The following PRKG1 variants were observed in gnomAD, a reference collection of about 807,000 sequenced individuals.
The protein encoded by PRKG1 is protein kinase cGMP-dependent 1, also known as cGMP-dependent protein kinase 1.
In PRKG1, 35 loss-of-function variants were observed where a neutral mutation model predicts 88.1. The observed-to-expected ratio is 0.40, with a 90% CI of 0.30 to 0.53. The LOEUF (loss-of-function observed/expected upper bound fraction) is 0.53, where lower values mean the gene tolerates loss of function less well. PRKG1 is among the 20% of genes least tolerant of loss of function. PRKG1 has a pLI of 0.59. For synonymous variants in PRKG1, 303 were observed against 292.5 expected, an observed-to-expected ratio of 1.04 and a Z score of -0.37; for missense variants, 540 against 839.8, an observed-to-expected ratio of 0.64 and a Z score of 4.41.
At chr10:51,236,140 C>T (rs1438603174) in intron 2 of PRKG1, among the ~76,000 whole-genome samples, 2 of 152,114 alleles carry the variant, frequency 1.3e-5, no homozygotes, top group Admixed American at 1.3e-4. Context: ...TATGACTTTT[C>T]AGAAGTCATT....
chr10:52,119,047 T>C (rs1847754868), intron 7 of PRKG1, among the ~76,000 whole-genome samples: 1 of 152,148 alleles, frequency 6.6e-6, no homozygotes, highest in Non-Finnish European at 1.5e-5. Flanking sequence ...TTGATTTCTA[T>C]GTGAAAATAC....
chr10:50,997,448 A>G (rs1410688324), intron 1 of PRKG1, among the ~76,000 whole-genome samples: 2 of 152,140 alleles, frequency 1.3e-5, no homozygotes, highest in Non-Finnish European at 2.9e-5. Context: ...AAAACAAAAG[A>G]TGTCGTATCT....
intron 3 of PRKG1, among the ~76,000 whole-genome samples, chr10:51,715,447 A>G (rs1841862900): frequency 6.6e-6 from 1 of 152,158 alleles, no homozygotes; most frequent in South Asian, 2.1e-4. Context: ...AACATTTGGA[A>G]TCAAGTCCTC....
At chr10:51,457,586 T>C (rs1839622645) in intron 2 of PRKG1, among the ~76,000 whole-genome samples, 1 of 152,176 alleles carries the variant, frequency 6.6e-6, no homozygotes, top group Non-Finnish European at 1.5e-5. Flanking sequence ...TAAGATAAAA[T>C]ACCAAAAATA....
At chr10:51,730,875 G>T (rs1842254826) in intron 3 of PRKG1, among the ~76,000 whole-genome samples, 1 of 152,200 alleles carries the variant, frequency 6.6e-6, no homozygotes, top group Non-Finnish European at 1.5e-5. Context: ...AAACCTTCTG[G>T]CCGGGCGCAG....
chr10:51,277,355 G>T (rs1840151726), intron 2 of PRKG1, among the ~76,000 whole-genome samples: 1 of 152,122 alleles, frequency 6.6e-6, no homozygotes, highest in Admixed American at 6.5e-5. Flanking sequence ...TGCTGTTTTG[G>T]TTACTGTAGC....
At chr10:51,640,450 C>T (rs1362164075) in intron 3 of PRKG1, among the ~76,000 whole-genome samples, 2 of 151,988 alleles carry the variant, frequency 1.3e-5, no homozygotes, top group East Asian at 1.9e-4. Flanking sequence ...GGAGCTTGTA[C>T]GTGCAAGAAT....
intron 3 of PRKG1, among the ~76,000 whole-genome samples, chr10:51,626,427 G>A (rs1839339185): frequency 6.6e-6 from 1 of 152,118 alleles, no homozygotes; most frequent in African/African-American, 2.4e-5. Context: ...CTACCTGCAT[G>A]TTGTTAGGGA....
chr10:51,861,121 T>G (rs926121269), intron 4 of PRKG1, among the ~76,000 whole-genome samples: 4 of 152,180 alleles, frequency 2.6e-5, no homozygotes, highest in African/African-American at 9.7e-5. Flanking sequence ...GCTTTGGTAC[T>G]CATTGAACAT....
chr10:52,071,873 G>A (rs1589579452), intron 7 of PRKG1, among the ~76,000 whole-genome samples: 1 of 152,170 alleles, frequency 6.6e-6, no homozygotes, highest in East Asian at 1.9e-4. Flanking sequence ...AAAGAATTCA[G>A]TTCTTCCAGT....
At chr10:52,124,132 G>A (rs1027636453) in intron 7 of PRKG1, among the ~76,000 whole-genome samples, 1 of 152,164 alleles carries the variant, frequency 6.6e-6, no homozygotes, top group Non-Finnish European at 1.5e-5. Context: ...GAGGAAGCAG[G>A]ACAGAGTAAG....
At chr10:51,225,670 A>G (rs1480189161) in intron 2 of PRKG1, among the ~76,000 whole-genome samples, 2 of 152,108 alleles carry the variant, frequency 1.3e-5, no homozygotes, top group Non-Finnish European at 2.9e-5. Context: ...ATATAAATTC[A>G]GTGTGTATGT....
intron 4 of PRKG1, among the ~76,000 whole-genome samples, chr10:51,832,503 C>A (rs1031312319): frequency 6.6e-6 from 1 of 152,002 alleles, no homozygotes; most frequent in Non-Finnish European, 1.5e-5. Flanking sequence ...AAATAAATGT[C>A]TTTTTCTTAT....
At chr10:52,106,111 G>T (rs1054553922) in intron 7 of PRKG1, among the ~76,000 whole-genome samples, 1 of 152,086 alleles carries the variant, frequency 6.6e-6, no homozygotes, top group Admixed American at 6.5e-5. Context: ...TAAAATAATA[G>T]TCTCCAACTC....
At chr10:51,583,707 A>G (rs778222824) in intron 3 of PRKG1, among the ~76,000 whole-genome samples, 98 of 152,078 alleles carry the variant, frequency 6.4e-4, no homozygotes, top group Admixed American at 1.2e-3. Context: ...ATTACTGGAA[A>G]AGTGCTAACT....
chr10:52,068,884 C>T (rs543176831), intron 7 of PRKG1, among the ~76,000 whole-genome samples: 1 of 152,310 alleles, frequency 6.6e-6, no homozygotes, highest in African/African-American at 2.4e-5. Flanking sequence ...TTCTGGTTCT[C>T]TGAGAGTTGG....
At chr10:51,913,280 A>G (rs1842264673) in intron 5 of PRKG1, among the ~76,000 whole-genome samples, 2 of 152,154 alleles carry the variant, frequency 1.3e-5, no homozygotes, top group South Asian at 4.1e-4. Flanking sequence ...ACACGAGGAT[A>G]TTGCATGATG....
intron 2 of PRKG1, among the ~76,000 whole-genome samples, chr10:51,269,534 A>G (rs1050801887): frequency 6.6e-6 from 1 of 152,240 alleles, no homozygotes; most frequent in African/African-American, 2.4e-5. Flanking sequence ...CTACTCAGCC[A>G]TAAAATGGAA....
intron 2 of PRKG1, among the ~76,000 whole-genome samples, chr10:51,261,429 C>T (rs1440726018): frequency 6.6e-6 from 1 of 152,106 alleles, no homozygotes; most frequent in Non-Finnish European, 1.5e-5. Flanking sequence ...CAAAAATGAA[C>T]CCAAATAGTT....
Sources: allele counts gnomAD v4.1 joint callset (sites outside exome capture counted in the v4.1 genomes callset), GRCh38; gene constraint gnomAD v4.1.1; transcripts MANE v1.5; gene names NCBI Gene and HGNC (gene_info 2026-07-23, HGNC 2026-07-21).